The following ZNF761 variants were observed in gnomAD, a reference collection of about 807,000 sequenced individuals.
ZNF761 encodes the protein zinc finger protein 761.
Under a neutral mutation model 59.9 loss-of-function variants are expected in ZNF761, and 43 were observed. The observed-to-expected ratio is 0.72, with a 90% confidence interval of 0.56 to 0.92. The LOEUF is 0.92. Among genes scored for constraint, ZNF761 ranks in the 40% least tolerant of loss-of-function variants. The pLI, the probability that ZNF761 is intolerant of heterozygous loss-of-function variation, is 0.00. For missense variants in ZNF761, 850 were observed against 906.1 expected, an observed-to-expected ratio of 0.94 and a Z score of 0.79; for synonymous variants, 294 against 304.8, an observed-to-expected ratio of 0.96 and a Z score of 0.37.
intron 4 of ZNF761, chr19:53,449,976 C>A: frequency 2.1e-6 from 1 of 482,478 alleles, no homozygotes; most frequent in South Asian, 4.8e-5. Context: ...GTGCCAACCA[C>A]CATACCTAAT....
intron 1 of ZNF761, among the ~76,000 whole-genome samples, chr19:53,433,244 G>A (rs1421377167): frequency 6.6e-6 from 1 of 152,136 alleles, no homozygotes; most frequent in East Asian, 1.9e-4. Context: ...TTTGCTTTCA[G>A]AAGCAGAATA....
chr19:53,439,925 C>T (rs2086081109), intron 1 of ZNF761, among the ~76,000 whole-genome samples: 1 of 152,144 alleles, frequency 6.6e-6, no homozygotes, highest in African/African-American at 2.4e-5. Flanking sequence ...TGATTTACAG[C>T]TAAACCAGGT....
chr19:53,436,491 G>A (rs1486773810), intron 1 of ZNF761, among the ~76,000 whole-genome samples: 1 of 152,154 alleles, frequency 6.6e-6, no homozygotes, highest in African/African-American at 2.4e-5. Flanking sequence ...TTGTTTGGTG[G>A]GGGTGCACCT....
chr19:53,449,540 T>C lies in ZNF761; in HGVS notation c.44T>C (p.Ile15Thr), dbSNP rs964110657. 1 of 1,613,658 alleles carries C rather than the reference T, an allele frequency of 6.2e-7. No individual in the cohort carries two copies. The highest frequency in any genetic ancestry group is 1.7e-5 in the Admixed American group (1 of 59,964). Residue 15 changes from isoleucine to threonine, a missense_variant, in exon 4 of 5, where the codon ATA (isoleucine) becomes ACA (threonine). By Grantham distance (89) the Ile-to-Thr change is moderately conservative (BLOSUM62 -1). Transcript: ENST00000684525. ...CTATTGACATTCAGGGATGTGGCCA[T>C]AGAATTCTCTCAGGAGGAGTGGAAA... ...QGLLTFRDVA[I>T]EFSQEEWKCL...
chr19:53,433,007 G>C (rs541154238), intron 1 of ZNF761, among the ~76,000 whole-genome samples: 55 of 144,792 alleles, frequency 3.8e-4, no homozygotes, highest in East Asian at 3.2e-3. Flanking sequence ...ACAGCAGGGA[G>C]GACACCTGGG....
intron 1 of ZNF761, among the ~76,000 whole-genome samples, chr19:53,445,854 C>A (rs2086153055): frequency 6.6e-6 from 1 of 152,142 alleles, no homozygotes; most frequent in Non-Finnish European, 1.5e-5. Flanking sequence ...TTCCCGTGTT[C>A]CCCAGAACAA....
chr19:53,439,680 G>A (rs974216916), intron 1 of ZNF761, among the ~76,000 whole-genome samples: 8 of 152,160 alleles, frequency 5.3e-5, no homozygotes, highest in African/African-American at 1.7e-4. Flanking sequence ...CTGTGGCCTG[G>A]TTTATAGCAT....
rs1010316266 is a variant in ZNF761, at chr19:53,433,229, G to A, written c.-185+1201G>A. Among the ~76,000 whole-genome samples the A allele has an allele frequency of 1.3e-4, 20 of 152,050 alleles. 1 individual carries two copies. Among genetic ancestry groups the A allele is most frequent in the Admixed American group, 1.2e-3 (18 of 15,270 alleles). Reference sequence around the variant, plus strand: ...GAGCATTTCAACAAAGACGGAGTGGGGTTTTTTGCTTTCAGAAGCAGAATA... The same window carrying A: ...GAGCATTTCAACAAAGACGGAGTGGAGTTTTTTGCTTTCAGAAGCAGAATA... On this transcript the variant is annotated intron_variant, in intron 1 of 4. Coordinates refer to ENST00000684525, the MANE Select transcript of ZNF761 (RefSeq NM_001289951.2).
Position 53,454,871 on chromosome 19 carries a change from A to G in ZNF761, c.364A>G (p.Ile122Val), listed in dbSNP as rs1470898929. 1 of 1,614,204 alleles carries G rather than the reference A, an allele frequency of 6.2e-7. No individual in the cohort carries two copies. Among genetic ancestry groups the G allele is most frequent in the Admixed American group, 1.7e-5 (1 of 60,022 alleles). The change falls in exon 5 of 5, where the codon ATT (isoleucine) becomes GTT (valine). Residue 122 changes from isoleucine (I) to valine (V), a missense_variant. By Grantham distance (29) the Ile-to-Val change is conservative (BLOSUM62 3). Coordinates refer to ENST00000684525, the MANE Select transcript of ZNF761 (RefSeq NM_001289951.2). ...PMTKIKKLTG[I>V]TERYDQSHAR... ...GACAAAAATCAAAAAGTTGACAGGT[A>G]TTACAGAACGATATGATCAAAGTCA... is the stretch of plus-strand genomic sequence containing the variant.
chr19:53,449,838 C>G (rs1041334904), intron 4 of ZNF761, 200 bp downstream of exon 4: 46 of 1,351,426 alleles, frequency 3.4e-5, no homozygotes, highest in East Asian at 2.9e-4. Context: ...AGGTGCATGC[C>G]ACCATGTTTG....
rs578252407 is a variant in ZNF761, at chr19:53,437,297, G to A, written c.-185+5269G>A. On this transcript the variant is annotated intron_variant, in intron 1 of 4. Coordinates refer to ENST00000684525, the MANE Select transcript of ZNF761 (RefSeq NM_001289951.2). ...CGCACCACTGCACTCCAACCTGGGC[G>A]ACAGAGCAAGACTCCATCTCAAAAA... Among the ~76,000 whole-genome samples, 298 of 146,124 alleles carry A rather than the reference G, an allele frequency of 2.0e-3. 1 individual carries two copies. Among genetic ancestry groups the A allele is most frequent in the Non-Finnish European group, 2.9e-3 (195 of 67,092 alleles).
chr19:53,454,737 A>G lies in ZNF761; in HGVS notation c.230A>G (p.His77Arg). The change falls in exon 5 of 5, where the codon CAT (histidine) becomes CGT (arginine). Residue 77 changes from histidine to arginine, a missense_variant. Physicochemically the swap from His to Arg is conservative, Grantham distance 29 (BLOSUM62 0). Coordinates refer to ENST00000684525, the MANE Select transcript of ZNF761 (RefSeq NM_001289951.2). ...EVFHAGTLQI[H>R]ESHHNGDFCY... ...TTCCATGCAGGGACATTGCAAATAC[A>G]TGAAAGTCATCACAATGGAGATTTT... 4.3e-6 allele frequency: 7 copies of G among 1,614,186 alleles called. No individual in the cohort carries two copies. Among genetic ancestry groups the G allele is most frequent in the Non-Finnish European group, 5.1e-6 (6 of 1,180,026 alleles).
In ZNF761 at chr19:53,454,961, C is replaced by G. The variant is rs781761316; in HGVS notation, c.454C>G (p.His152Asp). The change falls in exon 5 of 5, where the codon CAC (histidine) becomes GAC (aspartate). Residue 152 changes from histidine (H) to aspartate (D), a missense_variant. Transcript: ENST00000684525. The part of the protein sequence containing the change: ...SSFHSHLPEM[H>D]IFQTEEKIDN... ...CTTTCATTCGCATCTGCCTGAAATG[C>G]ACATATTTCAGACCGAAGAGAAAAT... 3.1e-6 allele frequency: 5 copies of G among 1,614,160 alleles called. No homozygotes were observed. The highest frequency in any genetic ancestry group is 4.2e-6 in the Non-Finnish European group (5 of 1,180,022).
intron 1 of ZNF761, among the ~76,000 whole-genome samples, chr19:53,435,868 C>T (rs2086036793): frequency 2.0e-5 from 3 of 152,098 alleles, no homozygotes; most frequent in African/African-American, 4.8e-5. Flanking sequence ...GTTAGTATTA[C>T]AAGGAAAACT....
In ZNF761 at chr19:53,456,686, T is replaced by G; in HGVS notation, c.2179T>G (p.Phe727Val). ...CAAGTGTAATGAGTGTGGCAAGACC[T>G]TTAGTCAGAAGTCAAACCTTACATG... ...PYKCNECGKT[F>V]SQKSNLTCHR... is the part of the protein sequence containing the mutation. Residue 727 changes from phenylalanine (F) to valine (V), a missense_variant, in exon 5 of 5, where the codon TTT (phenylalanine) becomes GTT (valine). By Grantham distance (50) the Phe-to-Val change is conservative. Coordinates refer to ENST00000684525, the MANE Select transcript of ZNF761 (RefSeq NM_001289951.2). The G allele has an allele frequency of 6.2e-7, 1 of 1,614,004 alleles. No individual in the cohort carries two copies. The highest frequency in any genetic ancestry group is 8.5e-7 in the Non-Finnish European group (1 of 1,179,932).
At chr19:53,435,758 A>G (rs2086035547) in intron 1 of ZNF761, among the ~76,000 whole-genome samples, 4 of 152,000 alleles carry the variant, frequency 2.6e-5, no homozygotes, top group Admixed American at 2.0e-4. Flanking sequence ...GGGGGTGACA[A>G]CAGCAAAACA....
At chr19:53,449,934 C>G in intron 4 of ZNF761, 1 of 560,596 alleles carries the variant, frequency 1.8e-6, no homozygotes, top group South Asian at 3.1e-5. Context: ...TCAAGAGATC[C>G]TCCTCAGTCT....
intron 4 of ZNF761, among the ~76,000 whole-genome samples, chr19:53,454,372 G>T (rs896022475): frequency 3.3e-5 from 5 of 152,118 alleles, no homozygotes; most frequent in African/African-American, 4.8e-5. Context: ...ACACTTTAGG[G>T]TCACAATGGA....
At chr19:53,435,737 C>G (rs2086034926) in intron 1 of ZNF761, among the ~76,000 whole-genome samples, 1 of 151,970 alleles carries the variant, frequency 6.6e-6, no homozygotes, top group South Asian at 2.1e-4. Flanking sequence ...GCTTCTTCTA[C>G]CATGGTTAAG....
Sources: allele counts gnomAD v4.1 joint callset (sites outside exome capture counted in the v4.1 genomes callset), GRCh38; gene constraint gnomAD v4.1.1; transcripts MANE v1.5; gene names NCBI Gene and HGNC (gene_info 2026-07-23, HGNC 2026-07-21).